CCDC102B: variants seen among roughly 807,000 people sequenced by gnomAD.
CCDC102B encodes the protein coiled-coil domain-containing protein 102B.
A neutral mutation model predicts 57.4 loss-of-function variants in CCDC102B; 75 were observed. That is an observed-to-expected ratio of 1.31 (90% CI 1.08 to 1.58). The LOEUF (loss-of-function observed/expected upper bound fraction) is 1.58, where lower values mean the gene tolerates loss of function less well. Among genes scored for constraint, CCDC102B ranks in the 40% most tolerant of loss-of-function variants. The probability of loss-of-function intolerance (pLI) is 0.00; values close to 1 mark genes in which losing one functional copy is unlikely to be tolerated. For missense variants in CCDC102B, 636 were observed against 582.6 expected (o/e 1.09, Z -0.94); for synonymous variants, 206 against 201.9 (o/e 1.02, Z -0.17).
At chr18:68,890,425 C>T (rs2040033710) in intron 5 of CCDC102B, among the ~76,000 whole-genome samples, 1 of 152,042 alleles carries the variant, frequency 6.6e-6, no homozygotes, top group African/African-American at 2.4e-5. Flanking sequence ...TGGAGTCTCA[C>T]CATGTTACCT....
chr18:69,022,162 G>A (rs1968781675), intron 7 of CCDC102B, among the ~76,000 whole-genome samples: 2 of 148,892 alleles, frequency 1.3e-5, no homozygotes, highest in South Asian at 2.1e-4. Context: ...GTAACTCTAG[G>A]CAGCATTTAT....
chr18:68,957,323 C>T (rs1349917628), intron 6 of CCDC102B, among the ~76,000 whole-genome samples: 1 of 152,022 alleles, frequency 6.6e-6, no homozygotes, highest in Admixed American at 6.6e-5. Flanking sequence ...TTTCATTCTT[C>T]TGAATATGGA....
intron 2 of CCDC102B, among the ~76,000 whole-genome samples, chr18:68,738,595 C>T (rs565086760): frequency 2.0e-5 from 3 of 152,314 alleles, no homozygotes; most frequent in African/African-American, 7.2e-5. Flanking sequence ...CCGTTGGACC[C>T]ATGCATCTCT....
At chr18:68,959,115 T>C (rs926722643) in intron 6 of CCDC102B, among the ~76,000 whole-genome samples, 12 of 152,294 alleles carry the variant, frequency 7.9e-5, no homozygotes, top group Admixed American at 7.8e-4. Context: ...TTTCGCAGTC[T>C]GTACTTTTTT....
At chr18:68,833,082 A>T (rs1458387579) in intron 1 of CCDC102B, among the ~76,000 whole-genome samples, 1 of 152,202 alleles carries the variant, frequency 6.6e-6, no homozygotes, top group Non-Finnish European at 1.5e-5. Flanking sequence ...GTATTCCTGA[A>T]ATACTCTAAA....
At chr18:69,055,662 G>GC (rs2052804044), downstream of CCDC102B, among the ~76,000 whole-genome samples, 1 of 152,146 alleles carries the variant, frequency 6.6e-6, no homozygotes, top group Non-Finnish European at 1.5e-5. Flanking sequence ...CTGTGGCTGT[G>GC]CCCCAAGTGG....
At chr18:69,040,466 G>A (rs182816604) in intron 7 of CCDC102B, among the ~76,000 whole-genome samples, 7 of 151,344 alleles carry the variant, frequency 4.6e-5, no homozygotes, top group African/African-American at 1.7e-4. Context: ...ATTTGACTCT[G>A]TGGCTAAGGT....
At chr18:68,940,938 T>G (rs2049364561) in intron 6 of CCDC102B, among the ~76,000 whole-genome samples, 1 of 151,878 alleles carries the variant, frequency 6.6e-6, no homozygotes, top group African/African-American at 2.4e-5. Context: ...AGCATGAACC[T>G]TACTTCAGTT....
chr18:68,793,817 C>A (rs682566), upstream of CCDC102B, among the ~76,000 whole-genome samples: 829 of 152,210 alleles, frequency 5.4e-3, 5 homozygotes, highest in East Asian at 0.039. Context: ...CAGACAGGTA[C>A]ATAAATCCAC....
chr18:68,872,004 A>C (rs1418799502), intron 4 of CCDC102B, among the ~76,000 whole-genome samples: 2 of 152,174 alleles, frequency 1.3e-5, no homozygotes, highest in African/African-American at 4.8e-5. Context: ...AACTGGATTT[A>C]CTATGTATTG....
rs2037409987 is a variant in CCDC102B, at chr18:68,837,026, T to C, written c.263T>C (p.Met88Thr). 3.1e-6 allele frequency: 5 copies of C among 1,614,056 alleles called. No homozygotes were observed. Among genetic ancestry groups the C allele is most frequent in the Non-Finnish European group, 3.4e-6 (4 of 1,180,012 alleles). The change falls in exon 2 of 8, where the codon ATG (methionine) becomes ACG (threonine). Residue 88 changes from methionine (M) to threonine (T), a missense_variant. Coordinates refer to ENST00000360242, the MANE Select transcript of CCDC102B (RefSeq NM_024781.3). ...LEEVKARAAQ[M>T]EKTMRWWSDC... Reference sequence around the variant, plus strand: ...GAAGTCAAGGCCAGAGCTGCTCAGATGGAAAAGACCATGCGGTGGTGGTCG... The same window carrying C: ...GAAGTCAAGGCCAGAGCTGCTCAGACGGAAAAGACCATGCGGTGGTGGTCG...
At chr18:68,781,801 A>G (rs191762334) in intron 2 of CCDC102B, among the ~76,000 whole-genome samples, 1 of 151,986 alleles carries the variant, frequency 6.6e-6, no homozygotes, top group Admixed American at 6.6e-5. Context: ...AGTATTTAAA[A>G]TTTTTTTTAT....
At chr18:68,715,308 C>T (rs1305951724) in exon 1 of CCDC102B, 14 of 1,172,934 alleles carry the variant, frequency 1.2e-5, no homozygotes, top group Non-Finnish European at 1.5e-5. Flanking sequence ...TGCTGGTTCA[C>T]TGGGGCGCGT....
rs112410974 is a variant in CCDC102B at position 68,786,041 on chromosome 18, A to C, written c.-66-37325A>C. On this transcript the variant is annotated intron_variant, in intron 2 of 3. Coordinates refer to the CCDC102B transcript ENST00000578970. ...GGAAGGGATCCAGTTTCAGCTTTCT[A>C]CATATGGCTAGCCAGTTTTCCCAGC... Among the ~76,000 whole-genome samples, 459 of 151,354 alleles carry C rather than the reference A, an allele frequency of 3.0e-3. 1 individual carries two copies. The highest frequency in any genetic ancestry group is 0.011 in the African/African-American group (439 of 41,300).
At chr18:68,869,843 T>G (rs1056304808) in intron 4 of CCDC102B, among the ~76,000 whole-genome samples, 1 of 152,194 alleles carries the variant, frequency 6.6e-6, no homozygotes, top group Non-Finnish European at 1.5e-5. Context: ...TCTATTTTTT[T>G]TTATGGTTTT....
intron 5 of CCDC102B, among the ~76,000 whole-genome samples, chr18:68,878,280 T>C (rs899045941): frequency 6.6e-6 from 1 of 151,982 alleles, no homozygotes; most frequent in Admixed American, 6.5e-5. Context: ...CATGTTTTTG[T>C]AGAGACCGGG....
chr18:68,796,374 G>A (rs73970712), upstream of CCDC102B, among the ~76,000 whole-genome samples: 6,140 of 152,196 alleles, frequency 0.04, 228 homozygotes, highest in African/African-American at 0.095. Flanking sequence ...AGATAACACA[G>A]CAGGTCCATG....
At chr18:68,934,914 A>G (rs567401070) in intron 6 of CCDC102B, among the ~76,000 whole-genome samples, 2 of 152,110 alleles carry the variant, frequency 1.3e-5, no homozygotes, top group Admixed American at 1.3e-4. Flanking sequence ...CTATTTGAGG[A>G]CATAGTATGC....
chr18:69,001,617 A>G lies in CCDC102B; in HGVS notation c.1264-9317A>G, dbSNP rs184264271. Among the ~76,000 whole-genome samples, 114 of 152,264 alleles carry G rather than the reference A, an allele frequency of 7.5e-4. 1 individual carries two copies. Among genetic ancestry groups the G allele is most frequent in the African/African-American group, 2.6e-3 (110 of 41,570 alleles). On this transcript the variant is annotated intron_variant, in intron 6 of 7. Transcript: ENST00000360242. ...GGGGCCAGGTTCCTCCCCGATGCAA[A>G]CAGTGTGAACCACTGTGACTCCACC...
Sources: gnomAD v4.1 joint callset for allele counts (sites outside exome capture counted in the v4.1 genomes callset) on GRCh38, gnomAD v4.1.1 for gene constraint, MANE v1.5 for transcripts, NCBI Gene and HGNC (gene_info 2026-07-23, HGNC 2026-07-21) for gene names.